Variants in LCORL observed in about 807,000 individuals in gnomAD.
LCORL encodes ligand dependent nuclear receptor corepressor like.
Under a neutral mutation model 141.8 loss-of-function variants are expected in LCORL, and 41 were observed. The observed-to-expected ratio is 0.29, with a 90% CI of 0.23 to 0.38. The LOEUF is 0.38. Among genes scored for constraint, LCORL ranks in the 10% least tolerant of loss-of-function variants. The pLI is 1.00. For synonymous variants in LCORL, 618 were observed against 694.1 expected, an observed-to-expected ratio of 0.89 and a Z score of 1.72; for missense variants, 1,759 against 2,035.0, an observed-to-expected ratio of 0.86 and a Z score of 2.61.
At chr4:17,921,202 T>G (rs1233813205) in intron 4 of LCORL, among the ~76,000 whole-genome samples, 1 of 150,934 alleles carries the variant, frequency 6.6e-6, no homozygotes, top group African/African-American at 2.4e-5. Context: ...TTTTTTTTTG[T>G]ATTTTAGTAG....
chr4:17,955,341 G>C (rs1185738365), intron 4 of LCORL, among the ~76,000 whole-genome samples: 1 of 152,124 alleles, frequency 6.6e-6, no homozygotes, highest in Non-Finnish European at 1.5e-5. Context: ...TGGAGTGGTA[G>C]GAAAGAAAGT....
chr4:17,859,092 A>ACCATGCTTTGAGTAC (rs778460044), intron 7 of LCORL, among the ~76,000 whole-genome samples: 206 of 152,276 alleles, frequency 1.4e-3, no homozygotes, highest in Non-Finnish European at 2.3e-3. Flanking sequence ...TTTAGCAGAA[A>ACCATGCTTTGAGTAC]CCATGCTTTG....
intron 2 of LCORL, among the ~76,000 whole-genome samples, chr4:17,964,626 C>T (rs551141768): frequency 2.0e-5 from 3 of 152,176 alleles, no homozygotes; most frequent in African/African-American, 7.2e-5. Context: ...TGTAGGCTTA[C>T]GTAGGTTTCA....
chr4:17,908,562 A>G (rs1732019428), intron 5 of LCORL, among the ~76,000 whole-genome samples: 1 of 152,128 alleles, frequency 6.6e-6, no homozygotes, highest in Admixed American at 6.5e-5. Flanking sequence ...TTCTCTTTTA[A>G]TTAAACTCTA....
At chr4:17,936,811 T>A (rs1230501429) in intron 4 of LCORL, among the ~76,000 whole-genome samples, 2 of 152,128 alleles carry the variant, frequency 1.3e-5, no homozygotes, top group Admixed American at 6.5e-5. Context: ...GCACAATAAC[T>A]TAGTTTAATT....
intron 4 of LCORL, among the ~76,000 whole-genome samples, chr4:17,919,723 T>A (rs558562972): frequency 2.0e-4 from 30 of 152,188 alleles, no homozygotes; most frequent in Non-Finnish European, 3.7e-4. Context: ...TAGGGTGTTG[T>A]GTTGGGTGTG....
At chr4:17,853,045 CTTGATTTT>C (rs528693398) in intron 7 of LCORL, among the ~76,000 whole-genome samples, 12,727 of 128,370 alleles carry the variant, frequency 0.099, 717 homozygotes, top group South Asian at 0.25. Context: ...GTGCTAAAAG[CTTGATTTT>C]TTTTTTTTTT....
At chr4:17,912,297 G>C in intron 4 of LCORL, 2 of 679,604 alleles carry the variant, frequency 2.9e-6, no homozygotes, top group South Asian at 2.7e-5. Context: ...TGCAGCTGGA[G>C]ACACAGATCG....
chr4:17,843,572 T>A, exon 8 of LCORL: 1 of 799,048 alleles, frequency 1.3e-6, no homozygotes, highest in Non-Finnish European at 2.0e-6. Context: ...TGGCCTGTAT[T>A]AAAGCAGTAG....
chr4:17,877,364 T>C, exon 7 of LCORL: 1 of 1,230,536 alleles, frequency 8.1e-7, no homozygotes, highest in South Asian at 4.1e-5. Context: ...CCGTGGTTTC[T>C]ATTGATTTTA....
intron 6 of LCORL, chr4:17,883,698 A>C: frequency 6.7e-7 from 1 of 1,500,418 alleles, no homozygotes; most frequent in Non-Finnish European, 8.9e-7. Context: ...ACACACTCAC[A>C]AACATTTTCC....
chr4:17,891,874 T>C (rs924109237), intron 5 of LCORL, among the ~76,000 whole-genome samples: 4 of 152,214 alleles, frequency 2.6e-5, no homozygotes, highest in Admixed American at 2.0e-4. Context: ...TATGTGATTG[T>C]GTGCATGCAC....
chr4:18,021,528 C>A lies in LCORL; in HGVS notation c.154+70G>T. The A allele has an allele frequency of 6.5e-6, 9 of 1,387,008 alleles. No homozygotes were observed. The highest frequency in any genetic ancestry group is 8.7e-6 in the Non-Finnish European group (9 of 1,033,226). 85.9% of individuals were successfully genotyped at this position (1,387,008 alleles called of 1,614,324 possible). On this transcript the variant is annotated intron_variant, in intron 1 of 7. Coordinates refer to ENST00000635767, the Ensembl canonical transcript of LCORL. The surrounding 1 kb of genome is among the most constrained non-coding windows in gnomAD (Gnocchi z 5.5). ...CGGGAGATTCAACTAAACCCCTCAG[C>A]CACAAACTCCTCGGGCTGCGACAGC...
At chr4:18,015,018 T>C (rs1008567344) in intron 1 of LCORL, among the ~76,000 whole-genome samples, 10 of 152,148 alleles carry the variant, frequency 6.6e-5, no homozygotes, top group Admixed American at 2.0e-4. Flanking sequence ...AAAGAAAAGA[T>C]AGAAACTTCC....
At chr4:18,015,205 C>T (rs1193172540) in intron 1 of LCORL, among the ~76,000 whole-genome samples, 3 of 152,168 alleles carry the variant, frequency 2.0e-5, no homozygotes, top group Non-Finnish European at 4.4e-5. Flanking sequence ...GTAGAGGACA[C>T]ATAACAGCAA....
At chr4:17,982,145 T>TGTGTGTGTGTGC (rs71167344) in intron 1 of LCORL, among the ~76,000 whole-genome samples, 1 of 143,980 alleles carries the variant, frequency 6.9e-6, no homozygotes, top group East Asian at 2.0e-4. Context: ...TGTGTGTGTG[T>TGTGTGTGTGTGC]ATACAAGATA....
At chr4:17,889,012 C>T (rs1214669085) in intron 5 of LCORL, among the ~76,000 whole-genome samples, 1 of 152,090 alleles carries the variant, frequency 6.6e-6, no homozygotes, top group East Asian at 1.9e-4. Context: ...ATATGCTCCA[C>T]TTAAAATTAT....
chr4:17,994,770 TA>T (rs1389065830), intron 1 of LCORL, among the ~76,000 whole-genome samples: 8 of 145,520 alleles, frequency 5.5e-5, no homozygotes, highest in Non-Finnish European at 8.9e-5. Flanking sequence ...AGAAGGGGAG[TA>T]ATAGGGAAAA....
intron 1 of LCORL, among the ~76,000 whole-genome samples, chr4:17,978,055 C>G (rs540944508): frequency 2.2e-4 from 34 of 152,288 alleles, no homozygotes; most frequent in Non-Finnish European, 4.0e-4. Flanking sequence ...TTGAACATAA[C>G]TTAGCAAACT....
Sources: gnomAD v4.1 joint callset for allele counts (sites outside exome capture counted in the v4.1 genomes callset) on GRCh38, gnomAD v4.1.1 for gene constraint, Gnocchi (gnomAD v3.1) non-coding constraint, MANE v1.5 for transcripts, NCBI Gene and HGNC (gene_info 2026-07-23, HGNC 2026-07-21) for gene names.